The following MGAT5 variants were observed in gnomAD, a reference collection of about 807,000 sequenced individuals.
The protein encoded by MGAT5 is alpha-1,6-mannosylglycoprotein 6-beta-N-acetylglucosaminyltransferase.
MGAT5 carries 30 observed loss-of-function variants against 94.3 expected under a neutral mutation model. The ratio of observed to expected loss-of-function variants is 0.32; its 90% CI spans 0.24 to 0.43. The LOEUF is 0.43. MGAT5 is among the 20% of genes least tolerant of loss of function. MGAT5 has a pLI of 1.00. For synonymous variants in MGAT5, 310 were observed against 322.9 expected, an observed-to-expected ratio of 0.96 and a Z score of 0.43; for missense variants, 691 against 905.5, an observed-to-expected ratio of 0.76 and a Z score of 3.04.
intron 14 of MGAT5, among the ~76,000 whole-genome samples, chr2:134,441,153 C>T (rs1383906090): frequency 6.6e-6 from 1 of 152,212 alleles, no homozygotes; most frequent in Non-Finnish European, 1.5e-5. Flanking sequence ...TTCAACCAAC[C>T]AGCACTAAGT....
At chr2:134,215,142 C>G (rs1025998316) in intron 1 of MGAT5, among the ~76,000 whole-genome samples, 4 of 152,176 alleles carry the variant, frequency 2.6e-5, no homozygotes, top group Non-Finnish European at 4.4e-5. Flanking sequence ...GTGCATATAC[C>G]AAAATTTATT....
Position 134,195,093 on chromosome 2 carries a change from A to G in MGAT5, c.-142-59169A>G, listed in dbSNP as rs555287820. Among the ~76,000 whole-genome samples, 510 of 152,304 alleles carry G rather than the reference A, an allele frequency of 3.3e-3. 1 individual carries two copies. The highest frequency in any genetic ancestry group is 0.01 in the Middle Eastern group (3 of 294). ...AAATATCCCCCAGAACACAGTCGGC[A>G]TCCATATAATGCATAGTGGAGGTTG... On this transcript the variant is annotated intron_variant, in intron 1 of 16. Coordinates refer to the MGAT5 transcript ENST00000409645.
At chr2:134,362,234 G>T (rs2106113781) in intron 9 of MGAT5, 41 bp from the exon 10 acceptor site, 1 of 1,596,136 alleles carries the variant, frequency 6.3e-7, no homozygotes, top group South Asian at 1.1e-5. Context: ...TCTTCTTGCT[G>T]ATTGGACACT....
intron 10 of MGAT5, among the ~76,000 whole-genome samples, chr2:134,385,405 A>T (rs10186614): frequency 0.62 from 93,942 of 152,118 alleles, 29,762 homozygotes; most frequent in Non-Finnish European, 0.69. Context: ...GTCAGCATTT[A>T]TGTCAAGACA....
chr2:134,156,634 C>T (rs966313078), intron 1 of MGAT5, among the ~76,000 whole-genome samples: 1 of 152,196 alleles, frequency 6.6e-6, no homozygotes, highest in African/African-American at 2.4e-5. Flanking sequence ...CCTTGTAAGG[C>T]ACTCTTGAGT....
intron 2 of MGAT5, among the ~76,000 whole-genome samples, chr2:134,273,040 C>A (rs937255711): frequency 3.3e-5 from 5 of 150,820 alleles, no homozygotes; most frequent in African/African-American, 1.2e-4. Context: ...CGTGCGCGTG[C>A]ATGCATGCAG....
At chr2:134,393,463 G>C (rs1010455595) in intron 10 of MGAT5, among the ~76,000 whole-genome samples, 2 of 152,156 alleles carry the variant, frequency 1.3e-5, no homozygotes, top group Non-Finnish European at 2.9e-5. Context: ...AAGCAGTGCT[G>C]TTTACCCTGC....
chr2:134,441,912 T>C lies in MGAT5; in HGVS notation c.2024T>C (p.Leu675Pro). Residue 675 changes from leucine (L) to proline (P), a missense_variant, in exon 15 of 16, where the codon CTG (leucine) becomes CCG (proline). Around this residue, in one of 4 missense-constraint regions of MGAT5, gnomAD observed 260 missense variants for 347.0 expected, o/e 0.75. Transcript: ENST00000281923. ...CACCTCAACAAGGACAAGGACATGC[T>C]GAAGTAAGTGCCCTGGGGTGGGGGT... ...FQHLNKDKDM[L>P]KYKVTCQSSE... 1 of 1,610,900 alleles carries C rather than the reference T, an allele frequency of 6.2e-7. No individual in the cohort carries two copies. Among genetic ancestry groups the C allele is most frequent in the Non-Finnish European group, 8.5e-7 (1 of 1,178,250 alleles).
At position 134,336,277 on chromosome 2, in the gene MGAT5, C is replaced by T. The variant is rs749279588; in HGVS notation, c.634C>T (p.His212Tyr). The T allele has an allele frequency of 6.2e-7, 1 of 1,612,296 alleles. No individual in the cohort carries two copies. Among genetic ancestry groups the T allele is most frequent in the South Asian group, 1.1e-5 (1 of 90,952 alleles). ...AAAAAATCCCTACGAAGAAGCTGATCATAATTCATTGGTAAGTGATTTTGG... is the reference window on the plus strand; with the variant it reads ...AAAAAATCCCTACGAAGAAGCTGATTATAATTCATTGGTAAGTGATTTTGG... ...RAKNPYEEAD[H>Y]NSLAEIRTDF... Residue 212 changes from histidine (H) to tyrosine (Y), a missense_variant, in exon 5 of 16, where the codon CAT (histidine) becomes TAT (tyrosine). Physicochemically the swap from His to Tyr is moderately conservative, Grantham distance 83. This residue lies in a region of MGAT5 where 307 missense variants were observed against 335.4 expected (regional missense o/e 0.92). Coordinates refer to ENST00000281923, the MANE Select transcript of MGAT5 (RefSeq NM_002410.5).
intron 15 of MGAT5, among the ~76,000 whole-genome samples, chr2:134,443,430 G>A (rs2106430139): frequency 6.6e-6 from 1 of 152,318 alleles, no homozygotes; most frequent in East Asian, 1.9e-4. Context: ...GGCCTCAGGT[G>A]ATCTGCCCGC....
At chr2:134,126,328 T>A (rs80008951) in intron 1 of MGAT5, among the ~76,000 whole-genome samples, 1 of 152,234 alleles carries the variant, frequency 6.6e-6, no homozygotes, top group African/African-American at 2.4e-5. Context: ...ATTCAGCCCA[T>A]GTGACCACTT....
intron 10 of MGAT5, among the ~76,000 whole-genome samples, chr2:134,391,343 G>T (rs1328973709): frequency 2.0e-5 from 3 of 152,204 alleles, no homozygotes; most frequent in Non-Finnish European, 4.4e-5. Flanking sequence ...CTTGAACAAA[G>T]ACTGGAAACT....
chr2:134,238,925 G>A (rs1201550951), intron 1 of MGAT5, among the ~76,000 whole-genome samples: 2 of 152,184 alleles, frequency 1.3e-5, no homozygotes, highest in East Asian at 1.9e-4. Flanking sequence ...CAGCCTGGGC[G>A]ACAAGAGTGA....
At chr2:134,207,284 G>C (rs771825753) in intron 1 of MGAT5, among the ~76,000 whole-genome samples, 2 of 152,140 alleles carry the variant, frequency 1.3e-5, no homozygotes, top group African/African-American at 4.8e-5. Context: ...AACTCCATCT[G>C]CATCCTTAAT....
chr2:134,129,432 C>G (rs115588599), intron 1 of MGAT5, among the ~76,000 whole-genome samples: 5 of 152,254 alleles, frequency 3.3e-5, no homozygotes, highest in African/African-American at 1.2e-4. Flanking sequence ...GCACAGGTTC[C>G]GGGGATTAGT....
intron 2 of MGAT5, among the ~76,000 whole-genome samples, chr2:134,310,085 T>G (rs1386383985): frequency 6.6e-6 from 1 of 152,200 alleles, no homozygotes; most frequent in East Asian, 1.9e-4. Context: ...AATTTGATTT[T>G]CTTGTTGAGT....
intron 1 of MGAT5, among the ~76,000 whole-genome samples, chr2:134,182,780 GTTTTTTTTT>G (rs5834402): frequency 1.1e-5 from 1 of 87,052 alleles, no homozygotes; most frequent in Non-Finnish European, 2.2e-5. Context: ...TAGAAGATTA[GTTTTTTTTT>G]TTTTTTTTTT....
At chr2:134,160,416 C>G (rs1687677780) in intron 1 of MGAT5, among the ~76,000 whole-genome samples, 1 of 152,236 alleles carries the variant, frequency 6.6e-6, no homozygotes, top group African/African-American at 2.4e-5. Flanking sequence ...TCGTGATCCG[C>G]CTGCCTCGGC....
At chr2:134,356,488 C>A (rs1049917164) in intron 9 of MGAT5, among the ~76,000 whole-genome samples, 1 of 152,136 alleles carries the variant, frequency 6.6e-6, no homozygotes, top group African/African-American at 2.4e-5. Flanking sequence ...TGTGTGTTTC[C>A]TGACCATCTG....
Sources: gnomAD v4.1 joint callset for allele counts (sites outside exome capture counted in the v4.1 genomes callset) on GRCh38, gnomAD v4.1.1 for gene constraint, gnomAD v4.1.1 regional missense constraint, MANE v1.5 for transcripts, NCBI Gene and HGNC (gene_info 2026-07-23, HGNC 2026-07-21) for gene names.